PCDHGA9: variants seen among roughly 807,000 people sequenced by gnomAD.
PCDHGA9 encodes the protein protocadherin gamma-A9.
In PCDHGA9, 37 loss-of-function variants were observed where a neutral mutation model predicts 62.5. The observed-to-expected ratio is 0.59, with a 90% confidence interval of 0.46 to 0.78. The LOEUF (loss-of-function observed/expected upper bound fraction) is 0.78. Among genes scored for constraint, PCDHGA9 ranks in the 30% least tolerant of loss-of-function variants. The probability of loss-of-function intolerance (pLI) is 0.00; values close to 1 mark genes in which losing one functional copy is unlikely to be tolerated. For missense variants in PCDHGA9, 1,138 were observed against 1,166.2 expected (o/e 0.98, Z 0.35); for synonymous variants, 459 against 484.6 (o/e 0.95, Z 0.69).
At position 141,486,891 on chromosome 5, in the gene PCDHGA9, G is replaced by A. The variant is rs201201426; in HGVS notation, c.2425-7916G>A. 38 of 1,614,118 alleles carry A rather than the reference G, an allele frequency of 2.4e-5. No individual in the cohort carries two copies. The highest frequency in any genetic ancestry group is 3.1e-5 in the Non-Finnish European group (37 of 1,180,064). Reference sequence around the variant, plus strand: ...GTGCTCCGTCCTCGGGCCCGGCCTGGTTCCTTATGTCCCCAAGCACTGCCT... The same window carrying A: ...GTGCTCCGTCCTCGGGCCCGGCCTGATTCCTTATGTCCCCAAGCACTGCCT... On this transcript the variant is annotated intron_variant, in intron 1 of 3. Coordinates refer to ENST00000573521, the MANE Select transcript of PCDHGA9 (RefSeq NM_018921.3). This position sits in a 1 kb window ranked among gnomAD's most constrained non-coding sequence, Gnocchi z 5.0.
At chr5:141,424,055 C>T (rs2096796946) in intron 1 of PCDHGA9, 1 of 1,007,784 alleles carries the variant, frequency 9.9e-7, no homozygotes. Flanking sequence ...TTTTGCTGTG[C>T]CTTCACTGAT....
chr5:141,405,758 G>A (rs533667979), intron 1 of PCDHGA9, among the ~76,000 whole-genome samples: 8 of 152,246 alleles, frequency 5.3e-5, no homozygotes, highest in South Asian at 2.1e-4. Context: ...GATTACAGGC[G>A]TGAGCCACTG....
chr5:141,453,050 C>A (rs2098754757), intron 1 of PCDHGA9, among the ~76,000 whole-genome samples: 3 of 152,006 alleles, frequency 2.0e-5, no homozygotes, highest in Non-Finnish European at 4.4e-5. Context: ...CTATTATGTG[C>A]AGTTTTAGAG....
rs761731200 is a variant in PCDHGA9, at chr5:141,477,252, T to C, written c.2425-17555T>C. The C allele has an allele frequency of 1.2e-6, 2 of 1,614,182 alleles. No homozygotes were observed. The highest frequency in any genetic ancestry group is 8.5e-7 in the Non-Finnish European group (1 of 1,180,034). ...ATCGCTTTGCTCAGTGTGACTGACCTGGATGCTGGCGAGAACGGGCTGGTG... is the reference window on the plus strand; with the variant it reads ...ATCGCTTTGCTCAGTGTGACTGACCCGGATGCTGGCGAGAACGGGCTGGTG... On this transcript the variant is annotated intron_variant, in intron 1 of 3. Transcript: ENST00000573521. The surrounding 1 kb of genome is among the most constrained non-coding windows in gnomAD (Gnocchi z 4.9).
chr5:141,490,597 C>T lies in PCDHGA9; in HGVS notation c.2425-4210C>T, dbSNP rs781077720. Reference sequence around the variant, plus strand: ...TTCAGATGTCAATGACAATGCACCCCGCTTCAACCAGCAGCTTTACACTGC... The same window carrying T: ...TTCAGATGTCAATGACAATGCACCCTGCTTCAACCAGCAGCTTTACACTGC... On this transcript the variant is annotated intron_variant, in intron 1 of 3. Coordinates refer to ENST00000573521, the MANE Select transcript of PCDHGA9 (RefSeq NM_018921.3). The surrounding 1 kb of genome is among the most constrained non-coding windows in gnomAD (Gnocchi z 5.4). The T allele has an allele frequency of 1.2e-5, 20 of 1,614,182 alleles. No homozygotes were observed. The highest frequency in any genetic ancestry group is 3.3e-5 in the Admixed American group (2 of 60,026).
At chr5:141,415,740 GTTTTTTTTTTTTT>G (rs57426385) in intron 1 of PCDHGA9, 160 of 625,000 alleles carry the variant, frequency 2.6e-4, no homozygotes, top group Middle Eastern at 1.1e-3. Context: ...GTTTATTAAG[GTTTTTTTTTTTTT>G]TTTTTTTTTT....
rs371807105 is a variant in PCDHGA9 at position 141,476,586 on chromosome 5, A to G, written c.2425-18221A>G. ...GCTCCGGGGACGCGCTTTCCGCTCG[A>G]GAGCGCGCACGATCCCGATGTGGGA... is the stretch of plus-strand genomic sequence containing the variant. On this transcript the variant is annotated intron_variant, in intron 1 of 3. Coordinates refer to ENST00000573521, the MANE Select transcript of PCDHGA9 (RefSeq NM_018921.3). This position sits in a 1 kb window ranked among gnomAD's most constrained non-coding sequence, Gnocchi z 7.6. The G allele has an allele frequency of 6.2e-7, 1 of 1,614,222 alleles. No homozygotes were observed. The highest frequency in any genetic ancestry group is 8.5e-7 in the Non-Finnish European group (1 of 1,180,032).
rs758993148 is a variant in PCDHGA9 at position 141,430,863 on chromosome 5, T to C, written c.2424+25487T>C. On this transcript the variant is annotated intron_variant, in intron 1 of 3. Transcript: ENST00000573521. Reference sequence around the variant, plus strand: ...GGATGCACCCAGATACGCTATTCAGTTCCGGAAGAGCTGGAGAAAGGCTCT... The same window carrying C: ...GGATGCACCCAGATACGCTATTCAGCTCCGGAAGAGCTGGAGAAAGGCTCT... 8 of 1,594,990 alleles carry C rather than the reference T, an allele frequency of 5.0e-6. No individual in the cohort carries two copies. In the South Asian group the frequency reaches 8.0e-5, roughly 16 times the overall value.
At chr5:141,455,503 T>C (rs1005615473) in intron 1 of PCDHGA9, among the ~76,000 whole-genome samples, 3 of 152,302 alleles carry the variant, frequency 2.0e-5, no homozygotes, top group Middle Eastern at 3.4e-3. Context: ...CTGATTTGCA[T>C]AGGGCTCAGG....
intron 1 of PCDHGA9, chr5:141,414,738 C>A: frequency 6.2e-7 from 1 of 1,614,238 alleles, no homozygotes; most frequent in Non-Finnish European, 8.5e-7. Context: ...TGTATGCACT[C>A]AGATCCTTCG....
intron 1 of PCDHGA9, among the ~76,000 whole-genome samples, chr5:141,460,987 ATATATATATGTG>A (rs2099005819): frequency 1.1e-5 from 1 of 92,944 alleles, no homozygotes; most frequent in Admixed American, 9.9e-5. Flanking sequence ...GTGTGTGTAT[ATATATATATGTG>A]TATATATATA....
At position 141,404,273 on chromosome 5, in the gene PCDHGA9, C is replaced by G. The variant is rs751189949; in HGVS notation, c.1321C>G (p.Gln441Glu). ...PLSTEIHITL[Q>E]VTDINDNPPA... ...GTCCACAGAAATTCACATCACCCTG[C>G]AAGTGACTGACATCAATGATAATCC... The change falls in exon 1 of 4, where the codon CAA (glutamine) becomes GAA (glutamate). Residue 441 changes from glutamine to glutamate, a missense_variant. Coordinates refer to ENST00000573521, the MANE Select transcript of PCDHGA9 (RefSeq NM_018921.3). The G allele has an allele frequency of 6.2e-7, 1 of 1,613,870 alleles. No individual in the cohort carries two copies. Among genetic ancestry groups the G allele is most frequent in the African/African-American group, 1.3e-5 (1 of 74,932 alleles).
intron 1 of PCDHGA9, chr5:141,415,281 C>T (rs1321418691): frequency 6.2e-7 from 1 of 1,614,080 alleles, no homozygotes; most frequent in African/African-American, 1.3e-5. Context: ...TAGCGGTGGC[C>T]GCGGTCTCCT....
Position 141,402,946 on chromosome 5 carries a change from G to A in PCDHGA9, c.-7G>A, listed in dbSNP as rs1012771364. The stretch of plus-strand genomic sequence containing the variant: ...TCCTTTTGAGAAAATTCCAAAGCGA[G>A]GCAGCAATGGCAGCTCCAACCAAAT... On this transcript the variant is annotated 5_prime_UTR_variant, in exon 1 of 4. Coordinates refer to ENST00000573521, the MANE Select transcript of PCDHGA9 (RefSeq NM_018921.3). The A allele has an allele frequency of 6.3e-7, 1 of 1,592,686 alleles. No individual in the cohort carries two copies. The highest frequency in any genetic ancestry group is 1.4e-5 in the African/African-American group (1 of 73,936).
chr5:141,436,519 C>A (rs770168763), intron 1 of PCDHGA9, among the ~76,000 whole-genome samples: 2 of 152,140 alleles, frequency 1.3e-5, no homozygotes, highest in African/African-American at 2.4e-5. Context: ...TTAACTGTGT[C>A]ACCTTTAGCA....
intron 1 of PCDHGA9, chr5:141,428,105 G>A: frequency 1.9e-6 from 3 of 1,608,184 alleles, no homozygotes; most frequent in Admixed American, 1.7e-5. Flanking sequence ...ACCACGTGCT[G>A]CAGGCCATCG....
Position 141,431,883 on chromosome 5 carries a change from A to T in PCDHGA9, c.2424+26507A>T, listed in dbSNP as rs748968989. 6.8e-6 allele frequency: 11 copies of T among 1,614,118 alleles called. No individual in the cohort carries two copies. The highest frequency in any genetic ancestry group is 1.1e-5 in the South Asian group (1 of 91,084). On this transcript the variant is annotated intron_variant, in intron 1 of 3. Transcript: ENST00000573521. The surrounding 1 kb of genome is among the most constrained non-coding windows in gnomAD (Gnocchi z 4.8). ...GCCCTTTTAAATGTAAATGACCAAG[A>T]TTCTGAGGAAAACGGACAGGTGATC...
intron 1 of PCDHGA9, among the ~76,000 whole-genome samples, chr5:141,435,794 C>T (rs993951734): frequency 2.6e-5 from 4 of 151,934 alleles, no homozygotes; most frequent in Admixed American, 6.6e-5. Flanking sequence ...GGAAACATAA[C>T]GTCCCAATTA....
intron 1 of PCDHGA9, among the ~76,000 whole-genome samples, chr5:141,455,769 C>T (rs1371335785): frequency 2.6e-5 from 4 of 152,014 alleles, no homozygotes; most frequent in Admixed American, 2.6e-4. Flanking sequence ...AGAGCCGGGG[C>T]TTTAAAAGAA....
Sources: allele counts gnomAD v4.1 joint callset (sites outside exome capture counted in the v4.1 genomes callset), GRCh38; gene constraint gnomAD v4.1.1; non-coding constraint Gnocchi (gnomAD v3.1); transcripts MANE v1.5; gene names NCBI Gene and HGNC (gene_info 2026-07-23, HGNC 2026-07-21).